GALNT14: variants seen among roughly 807,000 people sequenced by gnomAD.
The protein encoded by GALNT14 is UDP-GalNAc:polypeptide N-acetylgalactosaminyltransferase 14.
A neutral mutation model predicts 77.5 loss-of-function variants in GALNT14; 60 were observed. That is an observed-to-expected ratio of 0.77 (90% CI 0.63 to 0.96). The LOEUF (loss-of-function observed/expected upper bound fraction) is 0.96, where lower values mean the gene tolerates loss of function less well. Among genes scored for constraint, GALNT14 ranks in the 40% least tolerant of loss-of-function variants. GALNT14 has a pLI of 0.00. For synonymous variants in GALNT14, 280 were observed against 281.7 expected (o/e 0.99, Z 0.06); for missense variants, 710 against 731.0 (o/e 0.97, Z 0.33).
At chr2:31,117,535 T>A (rs1322702763) in intron 1 of GALNT14, among the ~76,000 whole-genome samples, 1 of 152,154 alleles carries the variant, frequency 6.6e-6, no homozygotes, top group Non-Finnish European at 1.5e-5. Flanking sequence ...ATCTATAAGA[T>A]GGAGTAGGTT....
intron 7 of GALNT14, 94 bp from the exon 8 acceptor site, chr2:30,945,036 T>A: frequency 8.9e-7 from 1 of 1,121,022 alleles, no homozygotes; most frequent in Non-Finnish European, 1.2e-6. Context: ...ACCCAGGTCC[T>A]GGAGAGGTAG....
intron 1 of GALNT14, chr2:31,125,050 C>T (rs1198819832): frequency 1.7e-5 from 13 of 764,480 alleles, no homozygotes; most frequent in Non-Finnish European, 2.6e-5. Context: ...TCCTGGGGTG[C>T]GCCCAGGAGC....
chr2:31,073,378 A>G (rs1399573631), intron 1 of GALNT14, among the ~76,000 whole-genome samples: 12 of 152,234 alleles, frequency 7.9e-5, no homozygotes, highest in Non-Finnish European at 1.5e-5. Context: ...AATAGTCAAA[A>G]AAACAAAGAT....
intron 1 of GALNT14, among the ~76,000 whole-genome samples, chr2:31,135,890 C>T (rs560763025): frequency 5.9e-5 from 9 of 152,146 alleles, no homozygotes; most frequent in South Asian, 2.1e-4. Context: ...GCTGAGCACA[C>T]GCCAGGATAA....
chr2:31,125,597 T>C (rs1346119476), intron 1 of GALNT14, among the ~76,000 whole-genome samples: 2 of 152,222 alleles, frequency 1.3e-5, no homozygotes, highest in Non-Finnish European at 1.5e-5. Context: ...AGAAAAGAAA[T>C]GCACATTATA....
chr2:31,043,659 ATT>A (rs35691588), intron 1 of GALNT14, among the ~76,000 whole-genome samples: 29 of 149,696 alleles, frequency 1.9e-4, no homozygotes, highest in East Asian at 1.4e-3. Flanking sequence ...GGATCAGGTG[ATT>A]TTTTTTTTTA....
At chr2:31,130,442 G>C (rs1678919424) in intron 1 of GALNT14, among the ~76,000 whole-genome samples, 1 of 152,172 alleles carries the variant, frequency 6.6e-6, no homozygotes, top group Non-Finnish European at 1.5e-5. Context: ...GTATAGCCAG[G>C]CTGGCTTTTC....
At chr2:31,054,412 C>T (rs1038971668) in intron 1 of GALNT14, among the ~76,000 whole-genome samples, 1 of 152,154 alleles carries the variant, frequency 6.6e-6, no homozygotes, top group African/African-American at 2.4e-5. Context: ...CCTGTCCCTC[C>T]GTCCTCATAT....
At chr2:30,931,378 G>A (rs1447553934) in intron 10 of GALNT14, among the ~76,000 whole-genome samples, 1 of 152,184 alleles carries the variant, frequency 6.6e-6, no homozygotes, top group Non-Finnish European at 1.5e-5. Flanking sequence ...ATGGAAAGAG[G>A]AATATTCACG....
chr2:31,064,121 G>T (rs1463715024), intron 1 of GALNT14, among the ~76,000 whole-genome samples: 1 of 144,548 alleles, frequency 6.9e-6, no homozygotes, highest in African/African-American at 2.6e-5. Context: ...TAGACTGGTG[G>T]CTATTGGCTC....
chr2:31,103,669 C>G (rs774873155), intron 1 of GALNT14, among the ~76,000 whole-genome samples: 1 of 152,168 alleles, frequency 6.6e-6, no homozygotes, highest in Non-Finnish European at 1.5e-5. Flanking sequence ...TACCTTTTTA[C>G]TCCCTGCTAT....
At chr2:30,887,552 A>G in the GALNT14 span, among the ~76,000 whole-genome samples, 1 of 151,898 alleles carries the variant, frequency 6.6e-6, no homozygotes, top group Non-Finnish European at 1.5e-5. Context: ...TTCCAGTTTT[A>G]TTTCAGGTAA....
At chr2:31,038,091 T>A (rs1392984374) in intron 1 of GALNT14, among the ~76,000 whole-genome samples, 6,665 of 73,018 alleles carry the variant, frequency 0.091, 303 homozygotes, top group East Asian at 0.22. Context: ...TATATTTTTT[T>A]TTTTTTTTTT....
intron 1 of GALNT14, among the ~76,000 whole-genome samples, chr2:31,078,649 G>A (rs1265584906): frequency 1.3e-5 from 2 of 152,194 alleles, no homozygotes; most frequent in Non-Finnish European, 2.9e-5. Flanking sequence ...CTTGAGGCTA[G>A]CCCTACAGAA....
intron 1 of GALNT14, among the ~76,000 whole-genome samples, chr2:31,053,106 A>G (rs1407255169): frequency 2.0e-5 from 3 of 152,036 alleles, no homozygotes; most frequent in Non-Finnish European, 2.9e-5. Flanking sequence ...GCTCCCAAAC[A>G]GCTCACTTGC....
At chr2:31,024,789 A>T (rs1421317441) in intron 1 of GALNT14, among the ~76,000 whole-genome samples, 1 of 152,210 alleles carries the variant, frequency 6.6e-6, no homozygotes, top group African/African-American at 2.4e-5. Context: ...TTGCTGAACA[A>T]ATACCAGGCC....
chr2:31,124,656 T>A (rs576345948), intron 1 of GALNT14, among the ~76,000 whole-genome samples: 1 of 152,344 alleles, frequency 6.6e-6, no homozygotes, highest in East Asian at 1.9e-4. Flanking sequence ...GGTCTCCCTC[T>A]ATTGCCCAGG....
chr2:31,127,528 A>G (rs1678761329), intron 1 of GALNT14, among the ~76,000 whole-genome samples: 2 of 152,234 alleles, frequency 1.3e-5, no homozygotes, highest in Non-Finnish European at 2.9e-5. Context: ...ATCAGAGACC[A>G]TATAACCTAA....
chr2:31,051,256 G>A (rs1056595559), intron 1 of GALNT14, among the ~76,000 whole-genome samples: 4 of 152,232 alleles, frequency 2.6e-5, no homozygotes, highest in Admixed American at 6.5e-5. Flanking sequence ...GGGCTAGGCT[G>A]CAGTGCGCAG....
Sources: gnomAD v4.1 joint callset for allele counts (sites outside exome capture counted in the v4.1 genomes callset) on GRCh38, gnomAD v4.1.1 for gene constraint, MANE v1.5 for transcripts, NCBI Gene and HGNC (gene_info 2026-07-23, HGNC 2026-07-21) for gene names.